The following EVC variants were observed in gnomAD, a reference collection of about 807,000 sequenced individuals.
EVC encodes evC complex member EVC.
In EVC, 116 loss-of-function variants were observed where a neutral mutation model predicts 118.9. The ratio of observed to expected loss-of-function variants is 0.98; its 90% CI spans 0.84 to 1.14. The LOEUF (loss-of-function observed/expected upper bound fraction) is 1.14, where lower values mean the gene tolerates loss of function less well. Ranked by LOEUF, EVC falls within the 50% of genes most tolerant of loss-of-function variation. The probability of loss-of-function intolerance (pLI) is 0.00; values close to 1 mark genes in which losing one functional copy is unlikely to be tolerated. For missense variants in EVC, 1,401 were observed against 1,246.4 expected, an observed-to-expected ratio of 1.12 and a Z score of -1.87; for synonymous variants, 619 against 534.7, an observed-to-expected ratio of 1.16 and a Z score of -2.18.
chr4:5,740,910 A>G (rs1168190480), intron 5 of EVC, among the ~76,000 whole-genome samples: 2 of 152,228 alleles, frequency 1.3e-5, no homozygotes, highest in African/African-American at 4.8e-5. Flanking sequence ...ACTTGTCAAA[A>G]TGGCTAAAAT....
intron 20 of EVC, 134 bp from the exon 21 acceptor site, chr4:5,810,816 TAAC>T: frequency 1.2e-6 from 1 of 845,004 alleles, no homozygotes; most frequent in South Asian, 1.5e-5. Flanking sequence ...ATTGGTTTCT[TAAC>T]AACCCATGTC....
chr4:5,725,608 T>C (rs779201616), intron 2 of EVC, among the ~76,000 whole-genome samples: 1 of 152,254 alleles, frequency 6.6e-6, no homozygotes, highest in Non-Finnish European at 1.5e-5. Context: ...TCCTTGTAGA[T>C]TCTGGATGTT....
At chr4:5,818,285 A>C (rs1717999025), downstream of EVC, among the ~76,000 whole-genome samples, 1 of 152,124 alleles carries the variant, frequency 6.6e-6, no homozygotes, top group South Asian at 2.1e-4. Flanking sequence ...TTTCTTTATA[A>C]ATTACCCAGT....
intron 11 of EVC, among the ~76,000 whole-genome samples, chr4:5,771,579 A>G (rs945392070): frequency 6.6e-6 from 1 of 152,200 alleles, no homozygotes; most frequent in Non-Finnish European, 1.5e-5. Context: ...CACGGAGAAA[A>G]ACAGTACATT....
intron 11 of EVC, among the ~76,000 whole-genome samples, chr4:5,776,509 G>A (rs1734740146): frequency 6.6e-6 from 1 of 152,098 alleles, no homozygotes; most frequent in African/African-American, 2.4e-5. Flanking sequence ...TCTTTTACAT[G>A]TAAAGAGGAA....
intron 11 of EVC, among the ~76,000 whole-genome samples, chr4:5,778,914 A>G (rs60662139): frequency 6.6e-6 from 1 of 151,170 alleles, no homozygotes; most frequent in East Asian, 1.9e-4. Flanking sequence ...AAGTCCTTGC[A>G]CATGCCTATG....
chr4:5,827,734 C>T, the EVC span, among the ~76,000 whole-genome samples: 1 of 101,690 alleles, frequency 9.8e-6, no homozygotes, highest in Admixed American at 8.3e-5. Flanking sequence ...TGTGCGCGTG[C>T]ACACACACAC....
intron 1 of EVC, among the ~76,000 whole-genome samples, chr4:5,714,093 C>T (rs979527440): frequency 4.6e-5 from 7 of 152,310 alleles, no homozygotes; most frequent in South Asian, 2.1e-4. Flanking sequence ...TTCTCTCCGC[C>T]TGCGCGGTCC....
Position 5,756,463 on chromosome 4 carries a change from C to A in EVC, c.1563+101C>A. The stretch of plus-strand genomic sequence containing the variant: ...TGGGGACCCCAGAGGTGGTTCAGGT[C>A]CAACCCCGCACTCATTGGCCGGTGA... On this transcript the variant is annotated intron_variant, in intron 11 of 20. Transcript: ENST00000264956. This position sits in a 1 kb window ranked among gnomAD's most constrained non-coding sequence, Gnocchi z 4.2. 1.1e-6 allele frequency: 1 copy of A among 948,716 alleles called. No homozygotes were observed. The highest frequency in any genetic ancestry group is 1.7e-6 in the Non-Finnish European group (1 of 605,592). The allele number at this position is 948,716 out of a possible 1,614,324, so 58.8% of individuals were successfully genotyped here. A position where few individuals can be genotyped will look rare whatever the true frequency, so the allele number is the denominator to read the frequency against.
chr4:5,818,739 C>G (rs748353583), downstream of EVC, among the ~76,000 whole-genome samples: 3 of 152,184 alleles, frequency 2.0e-5, no homozygotes, highest in Non-Finnish European at 2.9e-5. Context: ...AAGGCTCTCA[C>G]CAAATGCACC....
At chr4:5,814,509 A>T (rs1224683229), downstream of EVC, among the ~76,000 whole-genome samples, 1 of 151,986 alleles carries the variant, frequency 6.6e-6, no homozygotes, top group Non-Finnish European at 1.5e-5. Context: ...TCCGCCCATC[A>T]CATGTTCTCC....
chr4:5,745,376 T>G (rs745906646), intron 7 of EVC, 35 bp downstream of exon 7: 1 of 1,604,918 alleles, frequency 6.2e-7, no homozygotes, highest in East Asian at 2.2e-5. Flanking sequence ...TACACAAATT[T>G]TGGTTCCTAA....
chr4:5,735,606 C>T (rs1459506118), intron 5 of EVC, among the ~76,000 whole-genome samples: 1 of 152,118 alleles, frequency 6.6e-6, no homozygotes, highest in Non-Finnish European at 1.5e-5. Context: ...CTGGTAGGCT[C>T]AGTGCTTTAA....
At chr4:5,824,512 C>T in the EVC span, 1 of 985,272 alleles carries the variant, frequency 1.0e-6, no homozygotes, top group Middle Eastern at 5.2e-4. Context: ...TTGCCCCTTC[C>T]ACTCTCTCTT....
chr4:5,771,896 T>TTA, intron 11 of EVC, among the ~76,000 whole-genome samples: 1 of 150,532 alleles, frequency 6.6e-6, no homozygotes, highest in Non-Finnish European at 1.5e-5. Context: ...TTTATTTTAT[T>TTA]TTATTATTAT....
chr4:5,822,440 T>C, the EVC span, among the ~76,000 whole-genome samples: 3,496 of 151,026 alleles, frequency 0.023, 134 homozygotes, highest in African/African-American at 0.08. Context: ...TGCATGTGCA[T>C]GTGAACTCCG....
intron 7 of EVC, among the ~76,000 whole-genome samples, chr4:5,747,888 C>A (rs967339943): frequency 1.3e-5 from 2 of 152,148 alleles, no homozygotes; most frequent in African/African-American, 2.4e-5. Context: ...CAAGCTACTG[C>A]TTTCTTTCCT....
intron 1 of EVC, among the ~76,000 whole-genome samples, chr4:5,718,424 G>A (rs571558834): frequency 6.6e-6 from 1 of 152,252 alleles, no homozygotes; most frequent in East Asian, 1.9e-4. Context: ...GCATGTCATA[G>A]TTTTCTTGTG....
At chr4:5,724,227 G>A (rs1725436644) in intron 2 of EVC, among the ~76,000 whole-genome samples, 1 of 152,260 alleles carries the variant, frequency 6.6e-6, no homozygotes, top group African/African-American at 2.4e-5. Flanking sequence ...TGGTTAGGAA[G>A]TGATTGCAGC....
Sources: gnomAD v4.1 joint callset for allele counts (sites outside exome capture counted in the v4.1 genomes callset) on GRCh38, gnomAD v4.1.1 for gene constraint, Gnocchi (gnomAD v3.1) non-coding constraint, MANE v1.5 for transcripts, NCBI Gene and HGNC (gene_info 2026-07-23, HGNC 2026-07-21) for gene names.